Variants in NTRK2 observed in about 807,000 individuals in gnomAD.
NTRK2 encodes BDNF/NT-3 growth factors receptor.
In NTRK2, 13 loss-of-function variants were observed where a neutral mutation model predicts 94.5. The ratio of observed to expected loss-of-function variants is 0.14; its 90% CI spans 0.09 to 0.22. The LOEUF (loss-of-function observed/expected upper bound fraction) is 0.22. Among genes scored for constraint, NTRK2 ranks in the 10% least tolerant of loss-of-function variants. The pLI is 1.00. For missense variants in NTRK2, 639 were observed against 1,071.2 expected, an observed-to-expected ratio of 0.60 and a Z score of 5.63; for synonymous variants, 372 against 407.4, an observed-to-expected ratio of 0.91 and a Z score of 1.05.
intron 12 of NTRK2, among the ~76,000 whole-genome samples, chr9:84,792,004 A>T (rs551786650): frequency 7.9e-5 from 12 of 152,310 alleles, no homozygotes; most frequent in South Asian, 6.2e-4. Context: ...CTGGGAAGAG[A>T]AAGTTATTTT....
chr9:84,746,264 A>G (rs1027347758), intron 11 of NTRK2, among the ~76,000 whole-genome samples: 7 of 152,226 alleles, frequency 4.6e-5, no homozygotes, highest in Admixed American at 3.3e-4. Flanking sequence ...TGTTACTGGA[A>G]CACAGTCACT....
At chr9:84,679,660 T>A (rs1160630949) in intron 2 of NTRK2, among the ~76,000 whole-genome samples, 3 of 152,194 alleles carry the variant, frequency 2.0e-5, no homozygotes, top group Non-Finnish European at 4.4e-5. Context: ...CTTGAAAGAC[T>A]CTGTGGTTCT....
chr9:84,951,666 C>T (rs2078787794), intron 16 of NTRK2, among the ~76,000 whole-genome samples: 1 of 152,166 alleles, frequency 6.6e-6, no homozygotes, highest in Non-Finnish European at 1.5e-5. Flanking sequence ...TGGCACCTTG[C>T]ACAGGGTGTG....
At chr9:84,810,217 C>T (rs2071618290) in intron 12 of NTRK2, among the ~76,000 whole-genome samples, 1 of 152,158 alleles carries the variant, frequency 6.6e-6, no homozygotes, top group Non-Finnish European at 1.5e-5. Flanking sequence ...ACAGATGTTT[C>T]CTCCTTAAAG....
In NTRK2 at chr9:84,862,336, C is replaced by T. The variant is rs61003031; in HGVS notation, c.1444+1249C>T. 3.0e-4 allele frequency among the ~76,000 whole-genome samples: 46 copies of T among 152,216 alleles called. 1 individual carries two copies. Among genetic ancestry groups the T allele is most frequent in the African/African-American group, 1.1e-3 (46 of 41,528 alleles). ...TTTACGGGTTTGATGTGTATGCGTG[C>T]GTAGGTGTATCCCGTGTGTTTTTGG... is the stretch of plus-strand genomic sequence containing the variant. On this transcript the variant is annotated intron_variant, in intron 13 of 18. Coordinates refer to ENST00000277120, the MANE Select transcript of NTRK2 (RefSeq NM_006180.6).
At chr9:85,005,077 G>A (rs1000160989) in intron 17 of NTRK2, among the ~76,000 whole-genome samples, 6 of 152,122 alleles carry the variant, frequency 3.9e-5, no homozygotes, top group African/African-American at 1.4e-4. Flanking sequence ...GACTGTGAGG[G>A]ACACCCACAC....
At position 84,702,166 on chromosome 9, in the gene NTRK2, G is replaced by A. The variant is rs201490630; in HGVS notation, c.220G>A (p.Ala74Thr). ...CTCTCTGCTTTGTTACAGTTTCATC[G>A]CAAACCAGAAAAGGTTAGAAATCAT... ...DPENITEIFI[A>T]NQKRLEIINE... Residue 74 changes from alanine (A) to threonine (T), a missense_variant, in exon 3 of 19, where the codon GCA becomes ACA. Transcript: ENST00000277120. The A allele has an allele frequency of 3.1e-6, 5 of 1,613,972 alleles. No homozygotes were observed. The highest frequency in any genetic ancestry group is 1.7e-4 in the Middle Eastern group (1 of 6,060).
chr9:84,748,982 C>T (rs2064341813), intron 11 of NTRK2, among the ~76,000 whole-genome samples: 1 of 152,092 alleles, frequency 6.6e-6, no homozygotes, highest in African/African-American at 2.4e-5. Context: ...CCTGTAATCC[C>T]AGGACTTAGG....
intron 12 of NTRK2, among the ~76,000 whole-genome samples, chr9:84,773,333 A>G (rs1263017896): frequency 6.6e-6 from 1 of 152,194 alleles, no homozygotes; most frequent in African/African-American, 2.4e-5. Context: ...CTCCATTGCC[A>G]TGGGGCAGAT....
At chr9:84,727,112 A>T (rs77145939) in intron 8 of NTRK2, among the ~76,000 whole-genome samples, 47 of 152,352 alleles carry the variant, frequency 3.1e-4, no homozygotes, top group African/African-American at 9.6e-4. Context: ...TGTTATATTT[A>T]TAATAATTCA....
At chr9:84,775,105 T>C (rs557471602) in intron 12 of NTRK2, among the ~76,000 whole-genome samples, 2 of 152,248 alleles carry the variant, frequency 1.3e-5, no homozygotes, top group South Asian at 4.1e-4. Flanking sequence ...TTTGGGCTGA[T>C]GACAGTCTTA....
chr9:84,997,246 A>G (rs1243122726), intron 17 of NTRK2, among the ~76,000 whole-genome samples: 1 of 152,124 alleles, frequency 6.6e-6, no homozygotes, highest in Non-Finnish European at 1.5e-5. Flanking sequence ...GCGGTAGGGG[A>G]CTGGCCCGGG....
chr9:84,971,166 A>G (rs1169730695), intron 17 of NTRK2, among the ~76,000 whole-genome samples: 1 of 152,204 alleles, frequency 6.6e-6, no homozygotes, highest in Non-Finnish European at 1.5e-5. Context: ...TCTTGATGGA[A>G]CAGAAAGAAT....
At chr9:84,675,696 T>C (rs566132143) in intron 2 of NTRK2, among the ~76,000 whole-genome samples, 5 of 152,290 alleles carry the variant, frequency 3.3e-5, no homozygotes, top group African/African-American at 1.2e-4. Context: ...AAAAAAACCC[T>C]GAATCTTGGA....
At chr9:84,861,798 TTTCCAAGATCCGA>T (rs2132000121) in intron 13 of NTRK2, among the ~76,000 whole-genome samples, 1 of 152,246 alleles carries the variant, frequency 6.6e-6, no homozygotes, top group South Asian at 2.1e-4. Context: ...TTCATGTGGG[TTTCCAAGATCCGA>T]CCATCTTGGG....
chr9:84,872,166 C>T (rs1429394175), intron 14 of NTRK2: 2 of 1,186,436 alleles, frequency 1.7e-6, no homozygotes, highest in Non-Finnish European at 1.1e-6. Context: ...CACCACATCA[C>T]CTGACAGCAC....
rs534051115 is a variant in NTRK2, at chr9:84,723,933, T to C, written c.720+224T>C. On this transcript the variant is annotated intron_variant, in intron 7 of 18. Coordinates refer to ENST00000277120, the MANE Select transcript of NTRK2 (RefSeq NM_006180.6). ...TACCTAAGAGAGCGAGGAGTCTCTA[T>C]ATCCCTAGTGAGCTCTTTGTATCAT... Among the ~76,000 whole-genome samples the C allele has an allele frequency of 2.0e-5, 3 of 152,368 alleles. No homozygotes were observed. The South Asian group carries it at 6.2e-4, about 32-fold the overall frequency.
chr9:84,872,816 G>A, intron 14 of NTRK2: 1 of 1,064,578 alleles, frequency 9.4e-7, no homozygotes, highest in South Asian at 4.6e-5. Context: ...TAGGCCTGAG[G>A]AAAGAAGACA....
chr9:84,873,001 T>G, intron 14 of NTRK2: 3 of 1,063,696 alleles, frequency 2.8e-6, no homozygotes, highest in Non-Finnish European at 3.4e-6. Flanking sequence ...AACATTACTT[T>G]GAGTACACAT....
Sources: allele counts gnomAD v4.1 joint callset (sites outside exome capture counted in the v4.1 genomes callset), GRCh38; gene constraint gnomAD v4.1.1; transcripts MANE v1.5; gene names NCBI Gene and HGNC (gene_info 2026-07-23, HGNC 2026-07-21).